Variants in TPRG1 observed in about 807,000 individuals in gnomAD.
TPRG1 encodes the protein tumor protein p63-regulated gene 1 protein.
TPRG1 carries 29 observed loss-of-function variants against 29.3 expected under a neutral mutation model. The ratio of observed to expected loss-of-function variants is 0.99; its 90% CI spans 0.74 to 1.35. The LOEUF (loss-of-function observed/expected upper bound fraction) is 1.35, where lower values mean the gene tolerates loss of function less well. TPRG1 is among the 40% of genes most tolerant of loss of function. TPRG1 has a pLI of 0.00. For synonymous variants in TPRG1, 130 were observed against 116.8 expected (o/e 1.11, Z -0.73); for missense variants, 327 against 335.0 (o/e 0.98, Z 0.19).
rs1032643001 is a variant in TPRG1, at chr3:189,324,274, G to T, written c.*3454G>T. The T allele has an allele frequency of 6.6e-6, 1 of 152,048 alleles. No homozygotes were observed. The highest frequency in any genetic ancestry group is 1.5e-5 in the Non-Finnish European group (1 of 68,020). 9.4% of individuals were successfully genotyped at this position (152,048 alleles called of 1,614,324 possible). On this transcript the variant is annotated 3_prime_UTR_variant, in exon 6 of 6. Transcript: ENST00000345063. ...TTTATTTCACAGAAAATGAAGCAAAGGCCTAGAAACTAGAAAGACATTTCT... is the reference window on the plus strand; with the variant it reads ...TTTATTTCACAGAAAATGAAGCAAATGCCTAGAAACTAGAAAGACATTTCT...
intron 4 of TPRG1, among the ~76,000 whole-genome samples, chr3:189,295,496 CAAAAAAAAAAAA>C (rs368195264): frequency 2.0e-3 from 172 of 85,500 alleles, no homozygotes; most frequent in Middle Eastern, 6.3e-3. Flanking sequence ...ACTCAGATTG[CAAAAAAAAAAAA>C]AAAAAAAAAA....
intron 2 of TPRG1, chr3:189,132,369 A>G (rs1219087789): frequency 4.6e-5 from 7 of 152,244 alleles, no homozygotes. Context: ...AGCGTGTTTG[A>G]TCGCGTGCTT....
chr3:189,294,135 A>T (rs1348025700), intron 4 of TPRG1, among the ~76,000 whole-genome samples: 1 of 152,214 alleles, frequency 6.6e-6, no homozygotes, highest in Non-Finnish European at 1.5e-5. Flanking sequence ...TGAATGTCTC[A>T]TTAGCTTACT....
chr3:189,019,706 GTC>G (rs1713182869), intron 3 of TPRG1, among the ~76,000 whole-genome samples: 1 of 151,744 alleles, frequency 6.6e-6, no homozygotes, highest in Non-Finnish European at 1.5e-5. Context: ...TTTTGGTTGT[GTC>G]TCTGCCCAGC....
At chr3:189,187,703 C>G (rs902144429) in intron 1 of TPRG1, among the ~76,000 whole-genome samples, 1 of 152,168 alleles carries the variant, frequency 6.6e-6, no homozygotes, top group Non-Finnish European at 1.5e-5. Flanking sequence ...AATTGCCACT[C>G]AAACTCAGGT....
At chr3:189,019,594 G>A (rs1713171403) in intron 3 of TPRG1, among the ~76,000 whole-genome samples, 1 of 152,198 alleles carries the variant, frequency 6.6e-6, no homozygotes, top group South Asian at 2.1e-4. Context: ...ACTTGATCAT[G>A]ATGGATAAGC....
At chr3:189,102,554 C>A (rs541161514) in intron 1 of TPRG1, among the ~76,000 whole-genome samples, 1 of 152,142 alleles carries the variant, frequency 6.6e-6, no homozygotes, top group East Asian at 1.9e-4. Flanking sequence ...GACTCTATTG[C>A]CTAAATTCAG....
chr3:189,211,689 CT>C (rs1189251225), intron 2 of TPRG1: 2 of 152,126 alleles, frequency 1.3e-5, no homozygotes, highest in African/African-American at 4.8e-5. Context: ...AGAATCCAAC[CT>C]TTGATGCACA....
At chr3:189,070,944 A>T (rs1716776734) in intron 4 of TPRG1, among the ~76,000 whole-genome samples, 2 of 152,048 alleles carry the variant, frequency 1.3e-5, no homozygotes, top group Non-Finnish European at 2.9e-5. Flanking sequence ...AGGCCTGTTG[A>T]TTGAAAATAG....
chr3:189,299,104 G>C (rs1006307323), intron 4 of TPRG1, among the ~76,000 whole-genome samples: 4 of 149,736 alleles, frequency 2.7e-5, no homozygotes, highest in Non-Finnish European at 4.5e-5. Flanking sequence ...GTTATTCTGT[G>C]CATGCTGAAA....
intron 3 of TPRG1, chr3:189,219,660 G>A (rs983131123): frequency 1.6e-6 from 2 of 1,285,930 alleles, no homozygotes; most frequent in East Asian, 5.6e-5. Flanking sequence ...TGGCTCTTCA[G>A]CAGAATGTAC....
At chr3:189,025,829 A>G (rs1713630426) in intron 4 of TPRG1, among the ~76,000 whole-genome samples, 1 of 152,240 alleles carries the variant, frequency 6.6e-6, no homozygotes. Context: ...TCTACAGTGA[A>G]AAAAATAATA....
At chr3:189,046,154 C>A (rs561348163) in intron 4 of TPRG1, among the ~76,000 whole-genome samples, 287 of 152,242 alleles carry the variant, frequency 1.9e-3, no homozygotes, top group African/African-American at 6.1e-3. Flanking sequence ...AAGGAAAAAC[C>A]CAATCGAATC....
chr3:189,143,267 C>T (rs970230061), intron 3 of TPRG1, among the ~76,000 whole-genome samples: 1 of 152,166 alleles, frequency 6.6e-6, no homozygotes, highest in Non-Finnish European at 1.5e-5. Flanking sequence ...TCTCCATTCT[C>T]CAGATGAGGA....
At chr3:189,250,180 A>C (rs553483921) in intron 4 of TPRG1, among the ~76,000 whole-genome samples, 15 of 152,266 alleles carry the variant, frequency 9.9e-5, no homozygotes, top group African/African-American at 3.4e-4. Context: ...AGAGTGGGGA[A>C]GCCTGTGCCA....
At chr3:189,011,078 G>A (rs532259633) in intron 3 of TPRG1, among the ~76,000 whole-genome samples, 1 of 152,252 alleles carries the variant, frequency 6.6e-6, no homozygotes, top group Admixed American at 6.5e-5. Context: ...GGTTATAGGT[G>A]TGTGGTCTCA....
chr3:189,173,003 A>G (rs1402743276), intron 1 of TPRG1, among the ~76,000 whole-genome samples: 1 of 152,038 alleles, frequency 6.6e-6, no homozygotes, highest in Non-Finnish European at 1.5e-5. Context: ...TTTCAAATAC[A>G]CTCATGCAAT....
At chr3:189,080,824 T>C (rs113726689) in intron 4 of TPRG1, among the ~76,000 whole-genome samples, 157 of 151,794 alleles carry the variant, frequency 1.0e-3, no homozygotes, top group African/African-American at 3.7e-3. Context: ...CTGGGTTAGG[T>C]CATGATCTGG....
At chr3:189,006,432 G>C (rs1242293302) in intron 3 of TPRG1, among the ~76,000 whole-genome samples, 1 of 152,174 alleles carries the variant, frequency 6.6e-6, no homozygotes, top group Non-Finnish European at 1.5e-5. Context: ...CAGAGGGAGA[G>C]ACACCCCTGT....
Sources: gnomAD v4.1 joint callset for allele counts (sites outside exome capture counted in the v4.1 genomes callset) on GRCh38, gnomAD v4.1.1 for gene constraint, MANE v1.5 for transcripts, NCBI Gene and HGNC (gene_info 2026-07-23, HGNC 2026-07-21) for gene names.